PSD3: variants seen among roughly 807,000 people sequenced by gnomAD.
The protein encoded by PSD3 is PH and SEC7 domain-containing protein 3.
In PSD3, 49 loss-of-function variants were observed where a neutral mutation model predicts 105.5. The observed-to-expected ratio is 0.46, with a 90% CI of 0.37 to 0.59. The LOEUF (loss-of-function observed/expected upper bound fraction) is 0.59, where lower values mean the gene tolerates loss of function less well. Among genes scored for constraint, PSD3 ranks in the 20% least tolerant of loss-of-function variants. The pLI, the probability that PSD3 is intolerant of heterozygous loss-of-function variation, is 0.00. For missense variants in PSD3, 1,561 were observed against 1,263.8 expected (o/e 1.24, Z -3.57); for synonymous variants, 557 against 457.8 (o/e 1.22, Z -2.77).
intron 2 of PSD3, among the ~76,000 whole-genome samples, chr8:18,935,752 T>C (rs1180630989): frequency 1.3e-5 from 2 of 150,978 alleles, no homozygotes; most frequent in Non-Finnish European, 2.9e-5. Context: ...ATGGTAACTA[T>C]GGAAAACTCT....
At chr8:18,878,600 C>T (rs921453645) in intron 2 of PSD3, among the ~76,000 whole-genome samples, 6 of 152,162 alleles carry the variant, frequency 3.9e-5, no homozygotes, top group Admixed American at 2.6e-4. Flanking sequence ...TGTTCAACTT[C>T]CTTTCTCTAC....
intron 11 of PSD3, among the ~76,000 whole-genome samples, chr8:18,615,403 G>C (rs1805585446): frequency 6.6e-6 from 1 of 151,804 alleles, no homozygotes. Context: ...CGGGCATCAG[G>C]GATAAGAACC....
intron 2 of PSD3, among the ~76,000 whole-genome samples, chr8:18,903,395 T>C (rs114132957): frequency 0.014 from 2,125 of 152,214 alleles, 41 homozygotes; most frequent in African/African-American, 0.048. Flanking sequence ...TACCTGGGAA[T>C]GGCAAAGAAT....
Position 18,804,883 on chromosome 8 carries a change from T to C in PSD3, c.1650A>G (p.Lys550=). ...IAFWGSNAGV[K]TTRLEAHSEM... is the part of the protein sequence containing the mutation. ...CAGAATGAGCTTCTAGCCGTGTTGT[T>C]TTCACCCCAGCATTGCTATGATAAT... is the stretch of plus-strand genomic sequence containing the variant. The change falls in exon 5 of 16, where the codon AAA becomes AAG. Residue 550 remains lysine (K), a synonymous_variant. Coordinates refer to ENST00000327040, the MANE Select transcript of PSD3 (RefSeq NM_015310.4). 1 of 1,610,642 alleles carries C rather than the reference T, an allele frequency of 6.2e-7. No individual in the cohort carries two copies.
intron 4 of PSD3, chr8:18,865,017 C>A (rs1454108472): frequency 6.6e-6 from 1 of 151,120 alleles, no homozygotes; most frequent in Non-Finnish European, 1.5e-5. Flanking sequence ...TGAAAACAGA[C>A]CATCTCAGAC....
chr8:19,071,550 C>T lies in PSD3; in HGVS notation c.324+12656G>A, dbSNP rs549703734. ...TTGAGAATCCTGAGGGGAGAGAGGG[C>T]CTTGGCTTGAGCCTGGAAAGCGGGG... On this transcript the variant is annotated intron_variant, in intron 1 of 1. Transcript: ENST00000521475. Among the ~76,000 whole-genome samples, 3 of 152,042 alleles carry T rather than the reference C, an allele frequency of 2.0e-5. No individual in the cohort carries two copies. In the East Asian group the frequency reaches 5.8e-4, roughly 29 times the overall value.
At chr8:18,698,150 G>T (rs1347552986) in intron 9 of PSD3, among the ~76,000 whole-genome samples, 1 of 152,320 alleles carries the variant, frequency 6.6e-6, no homozygotes, top group East Asian at 1.9e-4. Flanking sequence ...CCAGGCTCAA[G>T]TGCAGTGGTG....
At chr8:19,023,360 C>T (rs1586639129) in intron 1 of PSD3, among the ~76,000 whole-genome samples, 1 of 151,932 alleles carries the variant, frequency 6.6e-6, no homozygotes, top group East Asian at 1.9e-4. Flanking sequence ...TGTTCAGTAG[C>T]CATAGGTAGT....
At chr8:18,673,350 A>C (rs956982080) in intron 9 of PSD3, among the ~76,000 whole-genome samples, 11 of 152,294 alleles carry the variant, frequency 7.2e-5, no homozygotes, top group South Asian at 2.1e-4. Flanking sequence ...ATGGGGCAGA[A>C]CACTAGGCTA....
intron 10 of PSD3, among the ~76,000 whole-genome samples, chr8:18,647,648 A>G (rs1189597138): frequency 6.8e-6 from 1 of 147,612 alleles, no homozygotes; most frequent in Non-Finnish European, 1.5e-5. Flanking sequence ...ATGAGCCAAT[A>G]CATGATTTTT....
At chr8:18,967,777 C>A (rs879939391) in intron 1 of PSD3, among the ~76,000 whole-genome samples, 53 of 152,026 alleles carry the variant, frequency 3.5e-4, no homozygotes, top group Admixed American at 8.5e-4. Flanking sequence ...AAGTTGGTAA[C>A]CAGAAATGGA....
chr8:18,611,904 A>T lies in PSD3; in HGVS notation c.2411-11470T>A, dbSNP rs76885175. Among the ~76,000 whole-genome samples, 825 of 152,338 alleles carry T rather than the reference A, an allele frequency of 5.4e-3. 13 individuals carry two copies. The East Asian group carries it at 0.058, about 11-fold the overall frequency. On this transcript the variant is annotated intron_variant, in intron 11 of 15. Coordinates refer to ENST00000327040, the MANE Select transcript of PSD3 (RefSeq NM_015310.4). ...ATGTTGCAAATGACTAAAAGGCAGC[A>T]GGGAAGACCCCTTCTTGCTTAACTG...
In PSD3 at chr8:18,872,101, T is replaced by A. The variant is rs752887768; in HGVS notation, c.763A>T (p.Ser255Cys). The change falls in exon 3 of 16, where the codon AGC becomes TGC. Residue 255 changes from serine to cysteine, a missense_variant. Coordinates refer to ENST00000327040, the MANE Select transcript of PSD3 (RefSeq NM_015310.4). ...GCAGAGTGGCAGGTCACTGCTGAGC[T>A]CCCGAGGGAGGCCAAAGGACAAGAT... ...EPSCPLASLG[S>C]SAVTCHSAGS... 5 of 1,614,030 alleles carry A rather than the reference T, an allele frequency of 3.1e-6. No individual in the cohort carries two copies. In the South Asian group the frequency reaches 5.5e-5, roughly 18 times the overall value.
chr8:18,806,339 T>A (rs923331576), intron 4 of PSD3, among the ~76,000 whole-genome samples: 14 of 152,176 alleles, frequency 9.2e-5, no homozygotes, highest in Non-Finnish European at 1.8e-4. Context: ...TAAACCTAAC[T>A]GAAGGAAGAA....
At chr8:18,607,424 T>C (rs1804921770) in intron 11 of PSD3, among the ~76,000 whole-genome samples, 1 of 152,182 alleles carries the variant, frequency 6.6e-6, no homozygotes, top group South Asian at 2.1e-4. Flanking sequence ...GATCCACGGT[T>C]ATAACCTCCA....
chr8:18,769,393 T>C (rs1330426074), intron 8 of PSD3, among the ~76,000 whole-genome samples: 1 of 152,168 alleles, frequency 6.6e-6, no homozygotes, highest in Non-Finnish European at 1.5e-5. Context: ...AAAATATGAG[T>C]ATAAAAACGA....
chr8:18,700,136 A>T (rs546812130), intron 9 of PSD3, among the ~76,000 whole-genome samples: 2 of 152,320 alleles, frequency 1.3e-5, no homozygotes, highest in African/African-American at 4.8e-5. Flanking sequence ...ACCTGAAATT[A>T]GCAACCATCT....
chr8:18,935,794 A>G (rs987766366), intron 2 of PSD3, among the ~76,000 whole-genome samples: 1 of 152,216 alleles, frequency 6.6e-6, no homozygotes, highest in African/African-American at 2.4e-5. Context: ...GGAATTTCAA[A>G]TATCAGAAGC....
chr8:18,653,426 G>A (rs1808665551), intron 10 of PSD3, among the ~76,000 whole-genome samples: 2 of 151,914 alleles, frequency 1.3e-5, no homozygotes, highest in Non-Finnish European at 1.5e-5. Context: ...CAATTGAAGA[G>A]CAACTTGCTT....
Sources: allele counts gnomAD v4.1 joint callset (sites outside exome capture counted in the v4.1 genomes callset), GRCh38; gene constraint gnomAD v4.1.1; transcripts MANE v1.5; gene names NCBI Gene and HGNC (gene_info 2026-07-23, HGNC 2026-07-21).